The following LMTK2 variants were observed in gnomAD, a reference collection of about 807,000 sequenced individuals.
The protein encoded by LMTK2 is serine/threonine-protein kinase LMTK2.
In LMTK2, 37 loss-of-function variants were observed where a neutral mutation model predicts 127.5. The observed-to-expected ratio is 0.29, with a 90% CI of 0.22 to 0.38. LMTK2 has a LOEUF of 0.38. Ranked by LOEUF, LMTK2 falls within the 10% of genes least tolerant of loss-of-function variation. LMTK2 has a pLI of 1.00. For missense variants in LMTK2, 1,694 were observed against 1,920.3 expected (o/e 0.88, Z 2.20); for synonymous variants, 819 against 810.1 (o/e 1.01, Z -0.19).
At chr7:98,154,611 A>G (rs1796900870) in intron 4 of LMTK2, 147 bp from the exon 5 acceptor site, 1 of 592,366 alleles carries the variant, frequency 1.7e-6, no homozygotes, top group African/African-American at 1.9e-5. Context: ...GAGTTTTCCA[A>G]GCTTTTGGTG....
chr7:98,115,977 C>T (rs1230991297), intron 1 of LMTK2, among the ~76,000 whole-genome samples: 1 of 152,016 alleles, frequency 6.6e-6, no homozygotes, highest in Non-Finnish European at 1.5e-5. Context: ...CCCTGAACTC[C>T]TAGGCTCAAG....
intron 6 of LMTK2, among the ~76,000 whole-genome samples, chr7:98,169,429 TC>T (rs1312936618): frequency 1.3e-5 from 2 of 152,238 alleles, no homozygotes; most frequent in African/African-American, 4.8e-5. Context: ...GCTCTGCGCT[TC>T]CTCTGCCTTC....
At chr7:98,190,229 A>G (rs561781679) in intron 9 of LMTK2, among the ~76,000 whole-genome samples, 1 of 152,304 alleles carries the variant, frequency 6.6e-6, no homozygotes, top group Admixed American at 6.5e-5. Context: ...GGTCTTCCTC[A>G]TTTTAACAGA....
chr7:98,131,271 C>T (rs994311313), intron 1 of LMTK2, among the ~76,000 whole-genome samples: 14 of 152,140 alleles, frequency 9.2e-5, no homozygotes, highest in Non-Finnish European at 1.9e-4. Flanking sequence ...CCTGAAATGT[C>T]ATAGTTTTTA....
At chr7:98,131,542 A>T (rs1324645560) in intron 1 of LMTK2, among the ~76,000 whole-genome samples, 2 of 150,780 alleles carry the variant, frequency 1.3e-5, no homozygotes, top group African/African-American at 4.9e-5. Context: ...TTCAGGTTTG[A>T]TATTGTTTTT....
chr7:98,195,455 G>A (rs1044752444), intron 11 of LMTK2, among the ~76,000 whole-genome samples: 5 of 151,492 alleles, frequency 3.3e-5, no homozygotes, highest in South Asian at 2.1e-4. Context: ...ATGTAACAGC[G>A]GATAATTCAA....
chr7:98,108,494 G>A (rs1796150578), intron 1 of LMTK2, among the ~76,000 whole-genome samples: 1 of 152,176 alleles, frequency 6.6e-6, no homozygotes, highest in Admixed American at 6.5e-5. Context: ...AACGTTAAAT[G>A]TCCTCATTGT....
chr7:98,122,293 G>A (rs1796374929), intron 1 of LMTK2, among the ~76,000 whole-genome samples: 1 of 151,876 alleles, frequency 6.6e-6, no homozygotes, highest in Non-Finnish European at 1.5e-5. Context: ...GGGATTTGGT[G>A]TATAGATAAT....
intron 3 of LMTK2, among the ~76,000 whole-genome samples, chr7:98,146,484 AT>A (rs992846635): frequency 8.7e-5 from 13 of 149,826 alleles, no homozygotes; most frequent in Admixed American, 1.3e-4. Flanking sequence ...TAATCAAGGA[AT>A]TTTTTTTTTG....
rs1797783076 is a variant in LMTK2, at chr7:98,205,706, T to G, written c.*214T>G. 1 of 606,928 alleles carries G rather than the reference T, an allele frequency of 1.6e-6. No homozygotes were observed. The highest frequency in any genetic ancestry group is 1.8e-5 in the African/African-American group (1 of 54,082). 37.6% of individuals were successfully genotyped at this position (606,928 alleles called of 1,614,324 possible). A position where few individuals can be genotyped will look rare whatever the true frequency, so the allele number is the denominator to read the frequency against. On this transcript the variant is annotated 3_prime_UTR_variant, in exon 14 of 14. Coordinates refer to ENST00000297293, the MANE Select transcript of LMTK2 (RefSeq NM_014916.4). Reference sequence around the variant, plus strand: ...GCGAGGCCGTGTCCAGGAGCCGGCGTCCCTCAGTGCCCCGTGCACCCGCGG... The same window carrying G: ...GCGAGGCCGTGTCCAGGAGCCGGCGGCCCTCAGTGCCCCGTGCACCCGCGG...
In LMTK2 at chr7:98,107,056, C is replaced by T. The variant is rs1023967792; in HGVS notation, c.-122C>T. The T allele has an allele frequency of 1.0e-5, 7 of 698,054 alleles. No homozygotes were observed. Among genetic ancestry groups the T allele is most frequent in the Non-Finnish European group, 1.5e-5 (7 of 468,082 alleles). 43.2% of individuals were successfully genotyped at this position (698,054 alleles called of 1,614,324 possible). On this transcript the variant is annotated 5_prime_UTR_variant, in exon 1 of 14. Coordinates refer to ENST00000297293, the MANE Select transcript of LMTK2 (RefSeq NM_014916.4). ...AGGTTTGGCAGAAGCAACGTGTGCT[C>T]GGGAGCAACCGGCGCGGGTGCCACT...
intron 6 of LMTK2, among the ~76,000 whole-genome samples, chr7:98,162,204 G>C (rs757920026): frequency 1.3e-5 from 2 of 152,130 alleles, no homozygotes; most frequent in Non-Finnish European, 2.9e-5. Flanking sequence ...TTTGGGACTA[G>C]TAATTTAACC....
intron 5 of LMTK2, among the ~76,000 whole-genome samples, chr7:98,157,215 G>A (rs533809978): frequency 4.0e-5 from 6 of 151,866 alleles, no homozygotes; most frequent in East Asian, 1.9e-4. Flanking sequence ...TCACACCACC[G>A]TACTCTAGCT....
chr7:98,136,239 T>G (rs1796594546), intron 1 of LMTK2, among the ~76,000 whole-genome samples: 1 of 152,136 alleles, frequency 6.6e-6, no homozygotes, highest in Non-Finnish European at 1.5e-5. Flanking sequence ...CGTGAGTCCA[T>G]AAGTATATAC....
chr7:98,128,679 T>C (rs1019195716), intron 1 of LMTK2, among the ~76,000 whole-genome samples: 4 of 152,228 alleles, frequency 2.6e-5, no homozygotes, highest in Non-Finnish European at 5.9e-5. Context: ...GTGTGGGGCT[T>C]TCTTCTGAGT....
intron 1 of LMTK2, among the ~76,000 whole-genome samples, chr7:98,108,184 A>G (rs1327447744): frequency 6.6e-6 from 1 of 152,204 alleles, no homozygotes; most frequent in East Asian, 1.9e-4. Context: ...TTCTTTACGT[A>G]GTAGGAGATA....
intron 8 of LMTK2, among the ~76,000 whole-genome samples, chr7:98,185,350 G>C (rs891819257): frequency 6.6e-6 from 1 of 152,134 alleles, no homozygotes; most frequent in Admixed American, 6.6e-5. Context: ...CTTTCCAAAA[G>C]TTTCGTTTAA....
rs1460291245 is a variant in LMTK2, at chr7:98,192,128, T to A, written c.1663T>A (p.Leu555Ile). 6.5e-7 allele frequency: 1 copy of A among 1,535,950 alleles called. No individual in the cohort carries two copies. Among genetic ancestry groups the A allele is most frequent in the Admixed American group, 2.1e-5 (1 of 46,556 alleles). Reference sequence around the variant, plus strand: ...TGTTGGAAGCGACTATTATATCCAGTTAGAAGAAAAAAGTGGTAGTAACTT... The same window carrying A: ...TGTTGGAAGCGACTATTATATCCAGATAGAAGAAAAAAGTGGTAGTAACTT... ...LSVGSDYYIQLEEKSGSNLEL... is the reference protein window; with the variant it reads ...LSVGSDYYIQIEEKSGSNLEL... The change falls in exon 11 of 14, where the codon TTA becomes ATA. Residue 555 changes from leucine to isoleucine, a missense_variant. Physicochemically the swap from Leu to Ile is conservative, Grantham distance 5 (BLOSUM62 2). This residue lies in a region of LMTK2 where 527 missense variants were observed against 539.8 expected (regional missense o/e 0.98). Transcript: ENST00000297293.
In LMTK2 at chr7:98,193,297, A is replaced by G. The variant is rs757390823; in HGVS notation, c.2832A>G (p.Leu944=). 5.0e-6 allele frequency: 8 copies of G among 1,613,902 alleles called. No individual in the cohort carries two copies. The highest frequency in any genetic ancestry group is 6.8e-6 in the Non-Finnish European group (8 of 1,180,038). The change falls in exon 11 of 14, where the codon TTA becomes TTG. Residue 944 remains leucine (L), a synonymous_variant. Transcript: ENST00000297293. The surrounding 1 kb of genome is among the most constrained non-coding windows in gnomAD (Gnocchi z 4.1). ...GTCATCGCCGGCTAGAGAAAAACTT[A>G]GAGGCTGTGGAGACTTTAAATCAGC... is the stretch of plus-strand genomic sequence containing the variant. ...HHSHRRLEKN[L]EAVETLNQLN... is the part of the protein sequence containing the mutation.
Sources: gnomAD v4.1 joint callset for allele counts (sites outside exome capture counted in the v4.1 genomes callset) on GRCh38, gnomAD v4.1.1 for gene constraint, gnomAD v4.1.1 regional missense constraint, Gnocchi (gnomAD v3.1) non-coding constraint, MANE v1.5 for transcripts, NCBI Gene and HGNC (gene_info 2026-07-23, HGNC 2026-07-21) for gene names.